Variants in RABGGTB observed in about 807,000 individuals in gnomAD.
RABGGTB encodes geranylgeranyl transferase type-2 subunit beta.
RABGGTB carries 20 observed loss-of-function variants against 44.5 expected under a neutral mutation model. The observed-to-expected ratio is 0.45, with a 90% CI of 0.32 to 0.65. The LOEUF (loss-of-function observed/expected upper bound fraction) is 0.65. Ranked by LOEUF, RABGGTB falls within the 30% of genes least tolerant of loss-of-function variation. RABGGTB has a pLI of 0.05. For missense variants in RABGGTB, 302 were observed against 398.7 expected, an observed-to-expected ratio of 0.76 and a Z score of 2.06; for synonymous variants, 128 against 136.7, an observed-to-expected ratio of 0.94 and a Z score of 0.44.
At chr1:75,787,739 T>G in intron 2 of RABGGTB, 135 bp downstream of exon 2, 1 of 729,246 alleles carries the variant, frequency 1.4e-6, no homozygotes, top group Non-Finnish European at 2.3e-6. Context: ...GCCTTTGAAC[T>G]TCAGTTAAGT....
At position 75,791,433 on chromosome 1, in the gene RABGGTB, TAACAGGCA is replaced by T. The variant is rs1649643360; in HGVS notation, c.469-27_469-20del. The T allele has an allele frequency of 3.5e-5, 55 of 1,591,164 alleles. No individual in the cohort carries two copies. Among genetic ancestry groups the T allele is most frequent in the Non-Finnish European group, 4.6e-5 (54 of 1,165,040 alleles). On this transcript the variant is annotated intron_variant, in intron 5 of 8. Coordinates refer to ENST00000319942, the MANE Select transcript of RABGGTB (RefSeq NM_004582.4). ...CTGATCTGCTGAATACTCTGGAATT[TAACAGGCA>T]TCTTTTTTTTTGTTTGTAGGGGAAG...
intron 6 of RABGGTB, 26 bp downstream of exon 6, chr1:75,791,597 G>T (rs779860208): frequency 5.1e-6 from 8 of 1,553,732 alleles, no homozygotes; most frequent in Non-Finnish European, 5.3e-6. Context: ...AGATGAAAAT[G>T]TATTGTCATT....
At chr1:75,788,058 T>C (rs1649544300) in intron 2 of RABGGTB, 2 of 405,412 alleles carry the variant, frequency 4.9e-6, no homozygotes, top group African/African-American at 4.1e-5. Flanking sequence ...TAGTTAAGAG[T>C]AAATGTTTTT....
At position 75,788,735 on chromosome 1, in the gene RABGGTB, C is replaced by T. The variant is rs116426666; in HGVS notation, c.112-424C>T. 2.3e-3 allele frequency: 380 copies of T among 163,676 alleles called. 2 individuals carry two copies. The highest frequency in any genetic ancestry group is 8.9e-3 in the African/African-American group (369 of 41,676). 10.1% of individuals were successfully genotyped at this position (163,676 alleles called of 1,614,324 possible). A position where few individuals can be genotyped will look rare whatever the true frequency, so the allele number is the denominator to read the frequency against. ...GCATGTTTAGGGCATTTTGATTTTT[C>T]ATGTAGTTATATAATTTACTAATAG... On this transcript the variant is annotated intron_variant, in intron 2 of 8. Coordinates refer to ENST00000319942, the MANE Select transcript of RABGGTB (RefSeq NM_004582.4).
chr1:75,791,954 C>G (rs1279891956), intron 6 of RABGGTB: 2 of 446,346 alleles, frequency 4.5e-6, no homozygotes, highest in Non-Finnish European at 4.0e-6. Flanking sequence ...CTGTGAAATA[C>G]TAGCCATGAA....
chr1:75,787,534 C>A lies in RABGGTB; in HGVS notation c.41C>A (p.Ala14Glu), dbSNP rs760200189. 1 of 1,613,998 alleles carries A rather than the reference C, an allele frequency of 6.2e-7. No homozygotes were observed. Among genetic ancestry groups the A allele is most frequent in the South Asian group, 1.1e-5 (1 of 91,084 alleles). The change falls in exon 2 of 9, where the codon GCA becomes GAA. Residue 14 changes from alanine (A) to glutamate (E), a missense_variant. Coordinates refer to ENST00000319942, the MANE Select transcript of RABGGTB (RefSeq NM_004582.4). The part of the protein sequence containing the change: ...PQKDVIIKSD[A>E]PDTLLLEKHA... Reference sequence around the variant, plus strand: ...AAGGATGTTATTATCAAGTCAGATGCACCGGACACTTTGTTATTGGAGAAA... The same window carrying A: ...AAGGATGTTATTATCAAGTCAGATGAACCGGACACTTTGTTATTGGAGAAA...
intron 2 of RABGGTB, 94 bp downstream of exon 2, chr1:75,787,698 A>G: frequency 1.0e-6 from 1 of 980,740 alleles, no homozygotes; most frequent in South Asian, 1.4e-5. Context: ...AATGGCATCC[A>G]ACTCCATGCA....
intron 7 of RABGGTB, 142 bp downstream of exon 7, chr1:75,792,448 T>C: frequency 1.7e-6 from 2 of 1,143,602 alleles, no homozygotes; most frequent in Non-Finnish European, 2.4e-6. Context: ...TAATATATCC[T>C]ACTAAAAGAC....
At chr1:75,787,022 T>C (rs1215747567) in intron 1 of RABGGTB, 2 of 502,586 alleles carry the variant, frequency 4.0e-6, no homozygotes, top group Admixed American at 2.0e-5. Flanking sequence ...TTTTTACTTA[T>C]CTTTTTGAAT....
chr1:75,792,181 A>G lies in RABGGTB; in HGVS notation c.580A>G (p.Ile194Val), dbSNP rs1171711538. The change falls in exon 7 of 9, where the codon ATC (isoleucine) becomes GTC (valine). Residue 194 changes from isoleucine (I) to valine (V), a missense_variant and splice_region_variant. Transcript: ENST00000319942. ...ATAAACTTTATGTCTGTAATTTTAGATCTATTGTTGCACAGGATTTCTGGC... is the reference window on the plus strand; with the variant it reads ...ATAAACTTTATGTCTGTAATTTTAGGTCTATTGTTGCACAGGATTTCTGGC... The part of the protein sequence containing the change: ...RPGSESHAGQ[I>V]YCCTGFLAIT... 1 of 1,601,862 alleles carries G rather than the reference A, an allele frequency of 6.2e-7. No homozygotes were observed. Among genetic ancestry groups the G allele is most frequent in the Non-Finnish European group, 8.6e-7 (1 of 1,168,954 alleles).
chr1:75,793,798 A>G (rs758200446), intron 7 of RABGGTB: 14 of 287,188 alleles, frequency 4.9e-5, no homozygotes, highest in Non-Finnish European at 8.9e-5. Context: ...TTCATTGCAG[A>G]TAGAAACAAA....
At chr1:75,786,560 GC>G (rs1195983811) in intron 1 of RABGGTB, 1 of 402,150 alleles carries the variant, frequency 2.5e-6, no homozygotes, top group Non-Finnish European at 4.4e-6. Flanking sequence ...CTGATTGGTG[GC>G]TTTTTTTTTT....
In RABGGTB at chr1:75,794,655, A is replaced by G; in HGVS notation, c.*5A>G. 6.3e-7 allele frequency: 1 copy of G among 1,587,072 alleles called. No individual in the cohort carries two copies. Among genetic ancestry groups the G allele is most frequent in the Non-Finnish European group, 8.6e-7 (1 of 1,165,862 alleles). ...CAGCCTGAGCTAGTGAGCTAGATTC[A>G]TTGAATTGAAAGTTGCATAGTATAG... On this transcript the variant is annotated 3_prime_UTR_variant, in exon 9 of 9. Transcript: ENST00000319942.
chr1:75,787,240 G>A (rs886855961), intron 1 of RABGGTB: 3 of 636,396 alleles, frequency 4.7e-6, no homozygotes, highest in Admixed American at 2.3e-5. Flanking sequence ...TGTTGTTTTG[G>A]TTTTGTTTTT....
chr1:75,787,813 C>T (rs1649537288), intron 2 of RABGGTB: 1 of 688,068 alleles, frequency 1.5e-6, no homozygotes, highest in African/African-American at 1.8e-5. Context: ...ACTGAGAGGG[C>T]TTGCCAGACA....
At chr1:75,793,003 G>T (rs1179347967) in intron 7 of RABGGTB, among the ~76,000 whole-genome samples, 1 of 152,080 alleles carries the variant, frequency 6.6e-6, no homozygotes, top group Non-Finnish European at 1.5e-5. Flanking sequence ...TATTAGAGAC[G>T]GGGTTTCACC....
intron 8 of RABGGTB, 83 bp downstream of exon 8, chr1:75,794,316 T>A: frequency 6.8e-7 from 1 of 1,472,046 alleles, no homozygotes; most frequent in Non-Finnish European, 9.1e-7. Context: ...CAGGGTGGCA[T>A]TCCGAGTGTT....
chr1:75,789,440 G>T, intron 3 of RABGGTB, 84 bp downstream of exon 3: 1 of 1,419,658 alleles, frequency 7.0e-7, no homozygotes, highest in Non-Finnish European at 9.9e-7. Context: ...TCAGGATTTG[G>T]TCAAAAAGTT....
chr1:75,791,583 A>G lies in RABGGTB; in HGVS notation c.579+12A>G. The G allele has an allele frequency of 6.3e-7, 1 of 1,578,076 alleles. No homozygotes were observed. Among genetic ancestry groups the G allele is most frequent in the Non-Finnish European group, 8.6e-7 (1 of 1,157,686 alleles). On this transcript the variant is annotated intron_variant, in intron 6 of 8. Coordinates refer to ENST00000319942, the MANE Select transcript of RABGGTB (RefSeq NM_004582.4). The stretch of plus-strand genomic sequence containing the variant: ...CCCATGCTGGGCAGGTAATTTATGA[A>G]TACAGATGAAAATGTATTGTCATTT...
Sources: gnomAD v4.1 joint callset for allele counts (sites outside exome capture counted in the v4.1 genomes callset) on GRCh38, gnomAD v4.1.1 for gene constraint, MANE v1.5 for transcripts, NCBI Gene and HGNC (gene_info 2026-07-23, HGNC 2026-07-21) for gene names.